IGF2BP2: variants seen among roughly 807,000 people sequenced by gnomAD.
IGF2BP2 encodes the protein insulin like growth factor 2 mRNA binding protein 2.
Under a neutral mutation model 75.8 loss-of-function variants are expected in IGF2BP2, and 17 were observed. The ratio of observed to expected loss-of-function variants is 0.22; its 90% CI spans 0.15 to 0.34. The LOEUF (loss-of-function observed/expected upper bound fraction) is 0.34. Ranked by LOEUF, IGF2BP2 falls within the 10% of genes least tolerant of loss-of-function variation. IGF2BP2 has a pLI of 1.00. For missense variants in IGF2BP2, 516 were observed against 772.4 expected, an observed-to-expected ratio of 0.67 and a Z score of 3.93; for synonymous variants, 288 against 295.6, an observed-to-expected ratio of 0.97 and a Z score of 0.26.
intron 2 of IGF2BP2, among the ~76,000 whole-genome samples, chr3:185,698,556 T>A (rs916698562): frequency 6.6e-6 from 1 of 152,168 alleles, no homozygotes; most frequent in East Asian, 1.9e-4. Flanking sequence ...AAGGCTGGAG[T>A]ATAGGTGGTG....
At chr3:185,682,763 A>G (rs1720569718) in intron 7 of IGF2BP2, among the ~76,000 whole-genome samples, 1 of 152,238 alleles carries the variant, frequency 6.6e-6, no homozygotes, top group Admixed American at 6.5e-5. Flanking sequence ...ACCTATTAAG[A>G]TAGCTGTTAT....
At chr3:185,658,502 C>G (rs1258715432) in intron 10 of IGF2BP2, 93 bp from the exon 11 acceptor site, 5 of 1,032,604 alleles carry the variant, frequency 4.8e-6, no homozygotes, top group Non-Finnish European at 7.3e-6. Flanking sequence ...GACACAGGCT[C>G]TCTGTGGCAT....
At chr3:185,649,367 G>A in intron 14 of IGF2BP2, 36 bp downstream of exon 14, 1 of 1,609,498 alleles carries the variant, frequency 6.2e-7, no homozygotes, top group Non-Finnish European at 8.5e-7. Context: ...CGGGGAATCT[G>A]ACCCAGGTGA....
chr3:185,742,853 C>A (rs1014225177), intron 2 of IGF2BP2, among the ~76,000 whole-genome samples: 2 of 152,136 alleles, frequency 1.3e-5, no homozygotes, highest in African/African-American at 4.8e-5. Context: ...GTAATCCCAG[C>A]ACTTTGGGCG....
intron 9 of IGF2BP2, among the ~76,000 whole-genome samples, chr3:185,673,291 T>C (rs569364263): frequency 6.6e-6 from 1 of 152,330 alleles, no homozygotes; most frequent in Non-Finnish European, 1.5e-5. Flanking sequence ...GTGTTCTCAG[T>C]GCCTGGTATA....
intron 2 of IGF2BP2, among the ~76,000 whole-genome samples, chr3:185,793,274 G>T (rs1019600809): frequency 6.6e-6 from 1 of 152,238 alleles, no homozygotes; most frequent in East Asian, 1.9e-4. Context: ...CACCTTTCTC[G>T]CTGGTGGCCT....
intron 2 of IGF2BP2, among the ~76,000 whole-genome samples, chr3:185,750,541 G>C (rs1238064946): frequency 6.6e-6 from 1 of 152,108 alleles, no homozygotes; most frequent in African/African-American, 2.4e-5. Flanking sequence ...TATCATGCCT[G>C]GTCCTTGCTA....
At chr3:185,786,576 T>C (rs1735922242) in intron 2 of IGF2BP2, among the ~76,000 whole-genome samples, 1 of 141,202 alleles carries the variant, frequency 7.1e-6, no homozygotes, top group Non-Finnish European at 1.5e-5. Flanking sequence ...CCTTTGATTG[T>C]AATTTTCCAC....
chr3:185,690,235 G>C (rs1560300661), intron 5 of IGF2BP2, among the ~76,000 whole-genome samples: 1 of 152,052 alleles, frequency 6.6e-6, no homozygotes, highest in Non-Finnish European at 1.5e-5. Context: ...ATAAATATCA[G>C]TATAAAATTA....
intron 2 of IGF2BP2, among the ~76,000 whole-genome samples, chr3:185,699,164 A>T (rs1722969815): frequency 6.6e-6 from 1 of 152,238 alleles, no homozygotes; most frequent in African/African-American, 2.4e-5. Context: ...AACAAAAAAC[A>T]AATGAAAAAC....
At chr3:185,744,015 T>C (rs1729916967) in intron 2 of IGF2BP2, among the ~76,000 whole-genome samples, 1 of 152,214 alleles carries the variant, frequency 6.6e-6, no homozygotes, top group South Asian at 2.1e-4. Flanking sequence ...GCACAATTGA[T>C]ACATTTTTTA....
intron 5 of IGF2BP2, among the ~76,000 whole-genome samples, chr3:185,690,029 G>C (rs1295245824): frequency 1.3e-5 from 2 of 151,546 alleles, no homozygotes; most frequent in African/African-American, 2.4e-5. Context: ...CCATTTAATA[G>C]GTGCCTATAT....
intron 2 of IGF2BP2, among the ~76,000 whole-genome samples, chr3:185,707,992 C>T (rs1724289013): frequency 6.6e-6 from 1 of 152,216 alleles, no homozygotes; most frequent in South Asian, 2.1e-4. Context: ...AAACCCAAAA[C>T]ATTCTTCACA....
intron 2 of IGF2BP2, among the ~76,000 whole-genome samples, chr3:185,816,731 G>A (rs542869497): frequency 4.3e-4 from 66 of 152,220 alleles, no homozygotes; most frequent in Admixed American, 4.2e-3. Context: ...TTATTATTTG[G>A]AATAAATGAA....
chr3:185,822,990 TA>T (rs1186664988), intron 2 of IGF2BP2, among the ~76,000 whole-genome samples, 162 bp downstream of exon 2: 993 of 137,294 alleles, frequency 7.2e-3, no homozygotes, highest in African/African-American at 7.9e-3. Flanking sequence ...ATAATGAAAG[TA>T]AAAAAAAAAA....
chr3:185,677,722 A>C (rs1232154117), intron 7 of IGF2BP2, among the ~76,000 whole-genome samples: 1 of 152,232 alleles, frequency 6.6e-6, no homozygotes, highest in Non-Finnish European at 1.5e-5. Flanking sequence ...ATAAAGTCAG[A>C]AAAATTATGC....
At chr3:185,668,792 C>T (rs1473409222) in intron 10 of IGF2BP2, among the ~76,000 whole-genome samples, 1 of 151,922 alleles carries the variant, frequency 6.6e-6, no homozygotes, top group Non-Finnish European at 1.5e-5. Context: ...AAGATGATAA[C>T]AGCAGCTATG....
chr3:185,805,956 G>C (rs948682790), intron 2 of IGF2BP2, among the ~76,000 whole-genome samples: 4 of 151,016 alleles, frequency 2.6e-5, no homozygotes, highest in African/African-American at 4.9e-5. Context: ...TGTATTTTTA[G>C]TACAGACAGG....
rs1725837507 is a variant in IGF2BP2, at chr3:185,717,570, GAAGAA to G, written c.240-19228_240-19224del. 8 of 152,364 alleles carry G rather than the reference GAAGAA, an allele frequency of 5.3e-5. No individual in the cohort carries two copies. In the South Asian group the frequency reaches 1.7e-3, roughly 32 times the overall value. 9.4% of individuals were successfully genotyped at this position (152,364 alleles called of 1,614,324 possible). ...CAAGAAAAAAGGTTTGTAAAGGCTA[GAAGAA>G]AAGAAGCCCATGGCTAAGAACTTGT... On this transcript the variant is annotated intron_variant, in intron 2 of 15. Coordinates refer to ENST00000382199, the MANE Select transcript of IGF2BP2 (RefSeq NM_006548.6).
Sources: gnomAD v4.1 joint callset for allele counts (sites outside exome capture counted in the v4.1 genomes callset) on GRCh38, gnomAD v4.1.1 for gene constraint, MANE v1.5 for transcripts, NCBI Gene and HGNC (gene_info 2026-07-23, HGNC 2026-07-21) for gene names.